The following SIAH3 variants were observed in gnomAD, a reference collection of about 807,000 sequenced individuals.
SIAH3 encodes siah E3 ubiquitin protein ligase family member 3, also known as seven in absentia homolog 3.
SIAH3 carries 9 observed loss-of-function variants against 12.6 expected under a neutral mutation model. The ratio of observed to expected loss-of-function variants is 0.72; its 90% confidence interval spans 0.43 to 1.25. SIAH3 has a LOEUF of 1.25. Ranked by LOEUF, SIAH3 falls within the 50% of genes most tolerant of loss-of-function variation. The pLI is 0.00. For synonymous variants in SIAH3, 154 were observed against 151.1 expected (o/e 1.02, Z -0.14); for missense variants, 390 against 365.4 (o/e 1.07, Z -0.55).
chr13:45,788,791 T>A (rs1950535963), intron 1 of SIAH3, among the ~76,000 whole-genome samples: 1 of 152,202 alleles, frequency 6.6e-6, no homozygotes, highest in Non-Finnish European at 1.5e-5. Flanking sequence ...GCCATGCATT[T>A]TAGCTGAAAG....
At position 45,834,723 on chromosome 13, in the gene SIAH3, G is replaced by A. The variant is rs142844905; in HGVS notation, c.135+16772C>T. On this transcript the variant is annotated intron_variant, in intron 1 of 1. Transcript: ENST00000400405. ...GTGGGCCAGAAGAGGGGTGCTGACC[G>A]TCTTGTGCAGGTACCTAAACTTAGG... Among the ~76,000 whole-genome samples, 300 of 152,250 alleles carry A rather than the reference G, an allele frequency of 2.0e-3. 1 individual carries two copies. Among genetic ancestry groups the A allele is most frequent in the Non-Finnish European group, 2.1e-3 (144 of 68,026 alleles).
Position 45,826,384 on chromosome 13 carries a change from G to GT in SIAH3, c.135+25110_135+25111insA, listed in dbSNP as rs1950675571. Among the ~76,000 whole-genome samples, 6 of 25,590 alleles carry GT rather than the reference G, an allele frequency of 2.3e-4. 3 individuals carry two copies. Among genetic ancestry groups the GT allele is most frequent in the Admixed American group, 1.5e-3 (4 of 2,668 alleles). The allele number at this position is 25,590 out of a possible 152,430, so 16.8% of individuals were successfully genotyped here. On this transcript the variant is annotated intron_variant, in intron 1 of 1. Transcript: ENST00000400405. ...GGATGGATGGATGGATGAATGAATG[G>GT]ATGGATGGATGGATGGATGGATGGA...
intron 1 of SIAH3, among the ~76,000 whole-genome samples, chr13:45,800,096 G>A (rs779246228): frequency 3.9e-5 from 6 of 152,266 alleles, no homozygotes; most frequent in Admixed American, 1.3e-4. Flanking sequence ...AGCCTGCATA[G>A]TATAAAGAAA....
intron 1 of SIAH3, among the ~76,000 whole-genome samples, chr13:45,785,101 T>G (rs1482015294): frequency 6.6e-6 from 1 of 152,160 alleles, no homozygotes; most frequent in African/African-American, 2.4e-5. Flanking sequence ...AGACTGGGAT[T>G]CATCTTCACG....
At chr13:45,816,297 C>A (rs375577278) in intron 1 of SIAH3, among the ~76,000 whole-genome samples, 15 of 152,286 alleles carry the variant, frequency 9.8e-5, no homozygotes, top group African/African-American at 1.7e-4. Flanking sequence ...AGAATGGTAC[C>A]CTTGAGGCCC....
intron 1 of SIAH3, among the ~76,000 whole-genome samples, chr13:45,789,069 C>T (rs374352571): frequency 1.1e-4 from 16 of 152,148 alleles, no homozygotes; most frequent in East Asian, 1.9e-4. Context: ...AAGAACTGAC[C>T]GCTCCAGGAC....
intron 1 of SIAH3, among the ~76,000 whole-genome samples, chr13:45,795,702 G>A (rs1040210762): frequency 3.9e-5 from 6 of 152,234 alleles, no homozygotes; most frequent in African/African-American, 1.4e-4. Flanking sequence ...TAGTAGTGGG[G>A]TAAGATCTGA....
At chr13:45,842,508 C>T (rs988354904) in intron 1 of SIAH3, among the ~76,000 whole-genome samples, 2 of 152,054 alleles carry the variant, frequency 1.3e-5, no homozygotes, top group Non-Finnish European at 2.9e-5. Flanking sequence ...GGCCACCATG[C>T]TTTGCTAATA....
rs979189479 is a variant in SIAH3, at chr13:45,808,546, G to C, written c.136-24489C>G. ...AACGGCTGAATTGTAACTGTAGGTT[G>C]GCTACAGATACAAGAGTTCAACAAA... On this transcript the variant is annotated intron_variant, in intron 1 of 1. Transcript: ENST00000400405. 7.9e-5 allele frequency among the ~76,000 whole-genome samples: 12 copies of C among 152,196 alleles called. No individual in the cohort carries two copies. In the East Asian group the frequency reaches 2.3e-3, roughly 29 times the overall value.
At chr13:45,842,512 G>T (rs1950743699) in intron 1 of SIAH3, among the ~76,000 whole-genome samples, 1 of 151,984 alleles carries the variant, frequency 6.6e-6, no homozygotes, top group Non-Finnish European at 1.5e-5. Context: ...ACCATGCTTT[G>T]CTAATATTTA....
intron 1 of SIAH3, among the ~76,000 whole-genome samples, chr13:45,792,980 C>A (rs1197424148): frequency 6.6e-6 from 1 of 152,190 alleles, no homozygotes; most frequent in Non-Finnish European, 1.5e-5. Flanking sequence ...CAAGTGAAAC[C>A]TGGGGCCTGA....
intron 1 of SIAH3, among the ~76,000 whole-genome samples, chr13:45,830,093 A>G (rs1950693184): frequency 6.6e-6 from 1 of 152,334 alleles, no homozygotes; most frequent in East Asian, 1.9e-4. Flanking sequence ...TTCATAACAC[A>G]TGAGAAAGCC....
At chr13:45,801,535 C>A (rs1041170994) in intron 1 of SIAH3, among the ~76,000 whole-genome samples, 1 of 152,092 alleles carries the variant, frequency 6.6e-6, no homozygotes, top group African/African-American at 2.4e-5. Context: ...GGATATGTGA[C>A]CATGACTTGC....
chr13:45,842,687 T>C (rs953459709), intron 1 of SIAH3, among the ~76,000 whole-genome samples: 5 of 152,168 alleles, frequency 3.3e-5, no homozygotes, highest in African/African-American at 1.2e-4. Context: ...AACCATTTTA[T>C]AGAGGAGAGC....
At position 45,784,023 on chromosome 13, in the gene SIAH3, G is replaced by A. The variant is rs1355340228; in HGVS notation, c.170C>T (p.Ala57Val). 3 of 1,602,754 alleles carry A rather than the reference G, an allele frequency of 1.9e-6. No homozygotes were observed. Among genetic ancestry groups the A allele is most frequent in the East Asian group, 2.2e-5 (1 of 44,872 alleles). ...AGGGTGGAAGCTGCCTTGCTCTGGAGCGCTCTGAGTGACGGCGCGCCGACT... is the reference window on the plus strand; with the variant it reads ...AGGGTGGAAGCTGCCTTGCTCTGGAACGCTCTGAGTGACGGCGCGCCGACT... ...VSSRRAVTQS[A>V]PEQGSFHPHH... Residue 57 changes from alanine (A) to valine (V), a missense_variant, in exon 2 of 2, where the codon GCT becomes GTT. Transcript: ENST00000400405.
chr13:45,823,236 G>A (rs372608141), intron 1 of SIAH3, among the ~76,000 whole-genome samples: 18 of 152,276 alleles, frequency 1.2e-4, no homozygotes, highest in African/African-American at 3.4e-4. Flanking sequence ...GAAGACCACT[G>A]CCTGGCCCAA....
In SIAH3 at chr13:45,822,520, AATATATATATATATAT is replaced by A. The variant is rs36106322; in HGVS notation, c.135+28959_135+28974del. On this transcript the variant is annotated intron_variant, in intron 1 of 1. Coordinates refer to ENST00000400405, the MANE Select transcript of SIAH3 (RefSeq NM_198849.3). ...AAGTGAGCTAACATTTTCATTATCA[AATATATATATATATAT>A]ATATATATATATATATATATTAGAC... 4.6e-4 allele frequency among the ~76,000 whole-genome samples: 39 copies of A among 85,408 alleles called. No individual in the cohort carries two copies. The East Asian group carries it at 6.6e-3, about 15-fold the overall frequency. The allele number at this position is 85,408 out of a possible 152,430, so 56.0% of individuals were successfully genotyped here. A position where few individuals can be genotyped will look rare whatever the true frequency, so the allele number is the denominator to read the frequency against.
chr13:45,833,820 C>T (rs367668812), intron 1 of SIAH3, among the ~76,000 whole-genome samples: 1 of 152,110 alleles, frequency 6.6e-6, no homozygotes, highest in Non-Finnish European at 1.5e-5. Context: ...CCAAGCATGG[C>T]GATGACTCAC....
At chr13:45,807,911 TA>T (rs1950603460) in intron 1 of SIAH3, among the ~76,000 whole-genome samples, 1 of 152,218 alleles carries the variant, frequency 6.6e-6, no homozygotes, top group Admixed American at 6.5e-5. Flanking sequence ...TAACTTATAT[TA>T]ACAACCCAGG....
Sources: allele counts gnomAD v4.1 joint callset (sites outside exome capture counted in the v4.1 genomes callset), GRCh38; gene constraint gnomAD v4.1.1; transcripts MANE v1.5; gene names NCBI Gene and HGNC (gene_info 2026-07-23, HGNC 2026-07-21).